COG2: variants seen among roughly 807,000 people sequenced by gnomAD.
COG2 encodes the protein component of oligomeric golgi complex 2.
COG2 carries 52 observed loss-of-function variants against 90.6 expected under a neutral mutation model. That is an observed-to-expected ratio of 0.57 (90% CI 0.46 to 0.72). The LOEUF is 0.72. Ranked by LOEUF, COG2 falls within the 30% of genes least tolerant of loss-of-function variation. The pLI is 0.00. For synonymous variants in COG2, 337 were observed against 320.4 expected (o/e 1.05, Z -0.55); for missense variants, 829 against 891.2 (o/e 0.93, Z 0.89).
At position 230,683,597 on chromosome 1, in the gene COG2, T is replaced by C. The variant is rs886843349; in HGVS notation, c.1190T>C (p.Leu397Ser). Residue 397 changes from leucine (L) to serine (S), a missense_variant, in exon 11 of 18, where the codon TTA (leucine) becomes TCA (serine). Leu to Ser is a moderately radical substitution (Grantham distance 145). Transcript: ENST00000366669. ...QIRFREIAGSLEAALTDVLED... is the reference protein window; with the variant it reads ...QIRFREIAGSSEAALTDVLED... ...AGATTTAGAGAAATAGCGGGATCCT[T>C]AGAAGCAGCACTTACAGATGTCCTG... The C allele has an allele frequency of 1.2e-5, 19 of 1,612,234 alleles. No homozygotes were observed. Among genetic ancestry groups the C allele is most frequent in the Non-Finnish European group, 1.5e-5 (18 of 1,178,602 alleles).
intron 9 of COG2, 104 bp downstream of exon 9, chr1:230,675,228 TA>T: frequency 1.5e-6 from 2 of 1,367,140 alleles, no homozygotes; most frequent in Non-Finnish European, 1.9e-6. Context: ...TTATTAAAAA[TA>T]AAAATTTGAG....
At chr1:230,671,319 A>G (rs142599457) in intron 7 of COG2, 197 bp from the exon 8 acceptor site, 34 of 386,714 alleles carry the variant, frequency 8.8e-5, no homozygotes, top group African/African-American at 6.9e-4. Context: ...CCACAGTTGT[A>G]TCTGTACAGC....
intron 1 of COG2, among the ~76,000 whole-genome samples, chr1:230,646,745 A>G (rs771189287): frequency 1.0e-3 from 155 of 152,184 alleles, no homozygotes; most frequent in Non-Finnish European, 1.9e-3. Context: ...TTCTGGTATT[A>G]CCTATCTCAG....
At chr1:230,677,627 A>C (rs1028575149) in intron 9 of COG2, among the ~76,000 whole-genome samples, 15 of 152,314 alleles carry the variant, frequency 9.8e-5, no homozygotes, top group African/African-American at 3.1e-4. Context: ...AGCACTAGCA[A>C]ATGTGAAGAC....
chr1:230,688,687 T>C, intron 15 of COG2, 125 bp downstream of exon 15: 2 of 1,083,262 alleles, frequency 1.8e-6, no homozygotes, highest in Non-Finnish European at 2.7e-6. Flanking sequence ...CTCATCCCAT[T>C]CTGAGAATGG....
At chr1:230,688,171 C>T in intron 14 of COG2, 28 bp downstream of exon 14, 1 of 1,449,874 alleles carries the variant, frequency 6.9e-7, no homozygotes, top group South Asian at 1.2e-5. Context: ...CTAAGCAAAT[C>T]TTTGAATAAG....
chr1:230,648,323 G>A (rs1661838666), intron 1 of COG2, among the ~76,000 whole-genome samples: 1 of 152,252 alleles, frequency 6.6e-6, no homozygotes, highest in African/African-American at 2.4e-5. Context: ...GGCACAGCAT[G>A]TGCCATCATT....
At chr1:230,649,216 C>G (rs567543235) in intron 1 of COG2, among the ~76,000 whole-genome samples, 2 of 152,314 alleles carry the variant, frequency 1.3e-5, no homozygotes, top group South Asian at 4.1e-4. Context: ...TTTAATTTCT[C>G]AGGCTTCAGT....
At chr1:230,663,326 CA>C in intron 4 of COG2, 105 bp downstream of exon 4, 1 of 598,002 alleles carries the variant, frequency 1.7e-6, no homozygotes, top group Non-Finnish European at 2.8e-6. Context: ...GATACCTTTG[CA>C]GAGAGGAGTG....
intron 11 of COG2, among the ~76,000 whole-genome samples, chr1:230,684,097 T>C (rs1662826765): frequency 6.6e-6 from 1 of 152,144 alleles, no homozygotes; most frequent in Non-Finnish European, 1.5e-5. Context: ...CAGCCTGACT[T>C]CTTTTTTTAA....
rs1662936249 is a variant in COG2 at position 230,688,401 on chromosome 1, C to T, written c.1652-19C>T. 1 of 1,612,854 alleles carries T rather than the reference C, an allele frequency of 6.2e-7. No homozygotes were observed. The highest frequency in any genetic ancestry group is 2.2e-5 in the East Asian group (1 of 44,894). On this transcript the variant is annotated intron_variant, in intron 14 of 17. Transcript: ENST00000366669. ...TGGGCCTGAGCATGATGATTAAATCCAGTCTTTAATCTCAACAGCAGCCCT... is the reference window on the plus strand; with the variant it reads ...TGGGCCTGAGCATGATGATTAAATCTAGTCTTTAATCTCAACAGCAGCCCT...
intron 4 of COG2, 51 bp downstream of exon 4, chr1:230,663,272 T>C: frequency 1.4e-6 from 2 of 1,437,164 alleles, no homozygotes. Context: ...TAGCACCTTG[T>C]AGTAACAAGC....
rs79439265 is a variant in COG2 at position 230,649,535 on chromosome 1, T to G, written c.72+6857T>G. On this transcript the variant is annotated intron_variant, in intron 1 of 17. Coordinates refer to ENST00000366669, the MANE Select transcript of COG2 (RefSeq NM_007357.3). ...TCATAGGGTTCCATTTTATTTTCTT[T>G]GTAGCACTTACCACTATTCATAATG... Among the ~76,000 whole-genome samples the G allele has an allele frequency of 8.7e-3, 1,318 of 152,322 alleles. 14 individuals are homozygous for G. The highest frequency in any genetic ancestry group is 0.028 in the African/African-American group (1,154 of 41,576).
chr1:230,645,443 G>A (rs1038390378), intron 1 of COG2, among the ~76,000 whole-genome samples: 20 of 152,056 alleles, frequency 1.3e-4, no homozygotes, highest in African/African-American at 4.8e-4. Context: ...AAAAAATAGA[G>A]GCCATCAAGC....
chr1:230,646,589 A>G (rs1436507829), intron 1 of COG2, among the ~76,000 whole-genome samples: 1 of 152,004 alleles, frequency 6.6e-6, no homozygotes, highest in Non-Finnish European at 1.5e-5. Context: ...TTCTGGCCCA[A>G]ATACCTTCTT....
intron 15 of COG2, among the ~76,000 whole-genome samples, chr1:230,689,646 C>G (rs1301399073): frequency 6.6e-6 from 1 of 152,220 alleles, no homozygotes; most frequent in Non-Finnish European, 1.5e-5. Context: ...CTCAACCCTT[C>G]CACCCACTGC....
intron 8 of COG2, among the ~76,000 whole-genome samples, chr1:230,674,076 A>G (rs976909651): frequency 2.6e-5 from 4 of 152,226 alleles, no homozygotes; most frequent in Non-Finnish European, 4.4e-5. Context: ...TGGGCAGATT[A>G]GTGAAATGGT....
At chr1:230,688,862 A>G (rs1662952800) in intron 15 of COG2, among the ~76,000 whole-genome samples, 1 of 152,184 alleles carries the variant, frequency 6.6e-6, no homozygotes, top group African/African-American at 2.4e-5. Context: ...CATTTTAATA[A>G]CATTTTAAAG....
intron 11 of COG2, among the ~76,000 whole-genome samples, chr1:230,684,163 T>C (rs1316431262): frequency 2.0e-5 from 3 of 152,170 alleles, no homozygotes; most frequent in East Asian, 1.9e-4. Context: ...TTTATAGAGA[T>C]GAAAAATGAA....
Sources: gnomAD v4.1 joint callset for allele counts (sites outside exome capture counted in the v4.1 genomes callset) on GRCh38, gnomAD v4.1.1 for gene constraint, MANE v1.5 for transcripts, NCBI Gene and HGNC (gene_info 2026-07-23, HGNC 2026-07-21) for gene names.